SLC24A3: variants seen among roughly 807,000 people sequenced by gnomAD.
SLC24A3 encodes the protein sodium/potassium/calcium exchanger 3.
Under a neutral mutation model 75.8 loss-of-function variants are expected in SLC24A3, and 28 were observed. The observed-to-expected ratio is 0.37, with a 90% CI of 0.27 to 0.51. SLC24A3 has a LOEUF of 0.51. SLC24A3 is among the 20% of genes least tolerant of loss of function. The probability of loss-of-function intolerance (pLI) is 0.94; values close to 1 mark genes in which losing one functional copy is unlikely to be tolerated. For synonymous variants in SLC24A3, 372 were observed against 334.1 expected (o/e 1.11, Z -1.24); for missense variants, 663 against 847.8 (o/e 0.78, Z 2.71).
chr20:19,646,841 C>CTGTGTGTGTGTGTGTGTGTG (rs74180956), intron 6 of SLC24A3, among the ~76,000 whole-genome samples: 1,856 of 144,614 alleles, frequency 0.013, 47 homozygotes, highest in African/African-American at 0.045. Context: ...TTACAAAACT[C>CTGTGTGTGTGTGTGTGTGTG]TGTGTGTGTG....
At chr20:19,414,681 T>G (rs980979264) in intron 2 of SLC24A3, among the ~76,000 whole-genome samples, 8 of 152,234 alleles carry the variant, frequency 5.3e-5, no homozygotes, top group African/African-American at 1.4e-4. Context: ...AAACATTTTT[T>G]TCTCCAGGTT....
chr20:19,720,629 G>T (rs1289309990), intron 16 of SLC24A3, among the ~76,000 whole-genome samples: 1 of 152,136 alleles, frequency 6.6e-6, no homozygotes, highest in African/African-American at 2.4e-5. Context: ...GTCCCCAGGG[G>T]AGTGGGGGCC....
rs541066475 is a variant in SLC24A3 at position 19,646,893 on chromosome 20, A to G, written c.613-7169A>G. On this transcript the variant is annotated intron_variant, in intron 6 of 16. Transcript: ENST00000328041. ...TGTTTATGCTTTCTCTGAATATTGGATTACTGTGTAAATCCACATTTTTGG... is the reference window on the plus strand; with the variant it reads ...TGTTTATGCTTTCTCTGAATATTGGGTTACTGTGTAAATCCACATTTTTGG... Among the ~76,000 whole-genome samples, 26 of 147,214 alleles carry G rather than the reference A, an allele frequency of 1.8e-4. No individual in the cohort carries two copies. The South Asian group carries it at 5.4e-3, about 31-fold the overall frequency.
At chr20:19,568,278 T>C (rs62200457) in intron 3 of SLC24A3, among the ~76,000 whole-genome samples, 6,778 of 152,310 alleles carry the variant, frequency 0.045, 176 homozygotes, top group East Asian at 0.087. Flanking sequence ...TCAATTCCAC[T>C]TCTGGGTTTA....
intron 3 of SLC24A3, among the ~76,000 whole-genome samples, chr20:19,523,556 C>G (rs1466786879): frequency 6.6e-6 from 1 of 152,194 alleles, no homozygotes; most frequent in African/African-American, 2.4e-5. Flanking sequence ...TCATTCAGCC[C>G]CACAGGCCCC....
chr20:19,709,573 GATC>G (rs2032968193), intron 15 of SLC24A3, among the ~76,000 whole-genome samples: 1 of 151,980 alleles, frequency 6.6e-6, no homozygotes, highest in South Asian at 2.1e-4. Context: ...AGTGAACTGA[GATC>G]ATGCCACTGC....
chr20:19,432,670 C>T (rs565938111), intron 2 of SLC24A3, among the ~76,000 whole-genome samples: 6 of 152,270 alleles, frequency 3.9e-5, no homozygotes, highest in African/African-American at 9.6e-5. Flanking sequence ...TATTGCACTG[C>T]GGAGACTGGC....
intron 3 of SLC24A3, among the ~76,000 whole-genome samples, chr20:19,563,049 A>G (rs186267269): frequency 1.4e-3 from 220 of 152,292 alleles, no homozygotes; most frequent in Non-Finnish European, 2.3e-3. Context: ...ACATCATTAT[A>G]ATAAACTGGA....
chr20:19,382,047 T>A (rs1195494363), intron 2 of SLC24A3, among the ~76,000 whole-genome samples: 4 of 152,242 alleles, frequency 2.6e-5, no homozygotes, highest in Non-Finnish European at 5.9e-5. Context: ...GCCACCGGCA[T>A]CCTTTCCGAT....
chr20:19,284,719 C>T (rs2122228362), intron 2 of SLC24A3: 1 of 152,320 alleles, frequency 6.6e-6, no homozygotes, highest in African/African-American at 2.4e-5. Flanking sequence ...GTCAGAAGCC[C>T]TGGCTTTAGA....
At position 19,585,027 on chromosome 20, in the gene SLC24A3, G is replaced by A. The variant is rs17293432; in HGVS notation, c.480G>A (p.Ser160=). ...AGATFMAAGS[S]APELFTSVIG... The stretch of plus-strand genomic sequence containing the variant: ...CCACATTCATGGCAGCGGGAAGTTC[G>A]GCCCCAGAGCTGTTCACATCGGTCA... Residue 160 remains serine, a synonymous_variant, in exon 5 of 17, where the codon TCG becomes TCA. Coordinates refer to ENST00000328041, the MANE Select transcript of SLC24A3 (RefSeq NM_020689.4). The A allele has an allele frequency of 0.078, 125,825 of 1,613,488 alleles. 5,575 individuals carry two copies. Among genetic ancestry groups the A allele is most frequent in the Middle Eastern group, 0.1 (616 of 6,060 alleles).
chr20:19,277,891 T>A (rs944225280), intron 1 of SLC24A3, among the ~76,000 whole-genome samples: 7 of 152,122 alleles, frequency 4.6e-5, no homozygotes, highest in Non-Finnish European at 1.0e-4. Flanking sequence ...ATCTTTGGGG[T>A]CTTCCTGAGC....
intron 6 of SLC24A3, among the ~76,000 whole-genome samples, chr20:19,631,155 G>A (rs61277426): frequency 6.6e-6 from 1 of 152,152 alleles, no homozygotes; most frequent in East Asian, 1.9e-4. Flanking sequence ...ACCAGCCTGG[G>A]CAACATGGTG....
At chr20:19,346,124 G>GTGTGTA (rs1555788919) in intron 2 of SLC24A3, among the ~76,000 whole-genome samples, 10 of 43,590 alleles carry the variant, frequency 2.3e-4, no homozygotes, top group African/African-American at 1.1e-3. Flanking sequence ...GTGTGTGTGT[G>GTGTGTA]TATATATATA....
At chr20:19,501,039 C>G (rs1318330318) in intron 2 of SLC24A3, among the ~76,000 whole-genome samples, 1 of 152,130 alleles carries the variant, frequency 6.6e-6, no homozygotes, top group Non-Finnish European at 1.5e-5. Flanking sequence ...CTGTTTTCAA[C>G]TCCAGCCAAC....
chr20:19,360,197 A>G (rs1257716295), intron 2 of SLC24A3, among the ~76,000 whole-genome samples: 1 of 152,234 alleles, frequency 6.6e-6, no homozygotes, highest in African/African-American at 2.4e-5. Context: ...GGTTTTGCTG[A>G]TACCATCTTA....
chr20:19,383,443 T>C (rs1026128725), intron 2 of SLC24A3, among the ~76,000 whole-genome samples: 2 of 152,136 alleles, frequency 1.3e-5, no homozygotes, highest in Non-Finnish European at 2.9e-5. Flanking sequence ...TGAAATGTCC[T>C]GAAGCTACAT....
At chr20:19,401,092 T>C (rs1197715619) in intron 2 of SLC24A3, among the ~76,000 whole-genome samples, 1 of 152,136 alleles carries the variant, frequency 6.6e-6, no homozygotes, top group African/African-American at 2.4e-5. Context: ...TAAGCTCCCC[T>C]CCATTTCAGG....
Position 19,323,154 on chromosome 20 carries a change from C to T in SLC24A3, c.271+42067C>T, listed in dbSNP as rs1170025813. 9.3e-5 allele frequency among the ~76,000 whole-genome samples: 13 copies of T among 139,938 alleles called. No homozygotes were observed. The Admixed American group carries it at 9.8e-4, about 10-fold the overall frequency. The allele number at this position is 139,938 out of a possible 152,430, so 91.8% of individuals were successfully genotyped here. ...CCGGGAGGCGGAGGTTGCAGTGAGCCGAGATCGCGCCACTGCACTCCAGCC... is the reference window on the plus strand; with the variant it reads ...CCGGGAGGCGGAGGTTGCAGTGAGCTGAGATCGCGCCACTGCACTCCAGCC... On this transcript the variant is annotated intron_variant, in intron 2 of 16. Coordinates refer to ENST00000328041, the MANE Select transcript of SLC24A3 (RefSeq NM_020689.4).
Sources: allele counts gnomAD v4.1 joint callset (sites outside exome capture counted in the v4.1 genomes callset), GRCh38; gene constraint gnomAD v4.1.1; transcripts MANE v1.5; gene names NCBI Gene and HGNC (gene_info 2026-07-23, HGNC 2026-07-21).